The following CSMD2 variants were observed in gnomAD, a reference collection of about 807,000 sequenced individuals.
CSMD2 encodes CUB and Sushi multiple domains 2, also known as CUB and sushi domain-containing protein 2.
CSMD2 carries 130 observed loss-of-function variants against 398.5 expected under a neutral mutation model. The ratio of observed to expected loss-of-function variants is 0.33; its 90% CI spans 0.28 to 0.38. The LOEUF (loss-of-function observed/expected upper bound fraction) is 0.38, where lower values mean the gene tolerates loss of function less well. CSMD2 is among the 10% of genes least tolerant of loss of function. CSMD2 has a pLI of 1.00. For synonymous variants in CSMD2, 1,828 were observed against 1,908.5 expected (o/e 0.96, Z 1.10); for missense variants, 3,829 against 4,764.9 (o/e 0.80, Z 5.78).
intron 2 of CSMD2, among the ~76,000 whole-genome samples, chr1:34,054,322 A>G (rs1290359880): frequency 2.0e-5 from 3 of 152,228 alleles, no homozygotes; most frequent in African/African-American, 7.2e-5. Flanking sequence ...CCTAGATAAT[A>G]ATTAAGACCA....
At chr1:33,699,088 CT>C in intron 23 of CSMD2, 144 bp from the exon 24 acceptor site, 1 of 611,052 alleles carries the variant, frequency 1.6e-6, no homozygotes, top group Non-Finnish European at 2.8e-6. Flanking sequence ...TCAGGATTTC[CT>C]CATTTCTATG....
chr1:33,787,959 T>C (rs888663144), intron 12 of CSMD2, among the ~76,000 whole-genome samples: 9 of 152,134 alleles, frequency 5.9e-5, no homozygotes, highest in Admixed American at 2.0e-4. Context: ...TGCAACCCAA[T>C]AGGGTATCTT....
chr1:33,689,176 C>T (rs944885108), intron 25 of CSMD2, among the ~76,000 whole-genome samples: 6 of 151,892 alleles, frequency 4.0e-5, no homozygotes, highest in African/African-American at 7.3e-5. Context: ...TACAGCTGTA[C>T]GTGTGCATGC....
chr1:33,612,721 G>A (rs1365992630), intron 40 of CSMD2, among the ~76,000 whole-genome samples: 40 of 146,384 alleles, frequency 2.7e-4, no homozygotes, highest in Non-Finnish European at 5.4e-4. Flanking sequence ...TTGTTCGGTC[G>A]CCCGGGCTGG....
intron 5 of CSMD2, among the ~76,000 whole-genome samples, chr1:33,853,923 A>G (rs1638891530): frequency 6.6e-6 from 1 of 152,226 alleles, no homozygotes; most frequent in African/African-American, 2.4e-5. Context: ...CTGAGATTTG[A>G]GAAGGACTTC....
At position 33,810,794 on chromosome 1, in the gene CSMD2, A is replaced by G; in HGVS notation, c.1395T>C (p.Tyr465=). The G allele has an allele frequency of 6.2e-7, 1 of 1,612,776 alleles. No homozygotes were observed. ...TCCACACACAGTGTGCATTGTTGTC[A>G]TACTGAATGGGGAAATTGGGGGAGG... ...IITSPNFPIQ[Y]DNNAHCVWII... The change falls in exon 10 of 71, where the codon TAT becomes TAC. Residue 465 remains tyrosine (Y), a synonymous_variant. Coordinates refer to ENST00000373381, the MANE Select transcript of CSMD2 (RefSeq NM_001281956.2).
At chr1:33,680,069 C>T (rs190727535) in intron 25 of CSMD2, among the ~76,000 whole-genome samples, 10 of 151,648 alleles carry the variant, frequency 6.6e-5, no homozygotes, top group East Asian at 5.8e-4. Flanking sequence ...TACAGGTGCC[C>T]GCCACCACGC....
At chr1:33,828,617 T>A (rs1313048058) in intron 6 of CSMD2, among the ~76,000 whole-genome samples, 2 of 152,176 alleles carry the variant, frequency 1.3e-5, no homozygotes, top group Non-Finnish European at 2.9e-5. Flanking sequence ...TAGGGGCTGA[T>A]GTGGGCACTG....
chr1:33,887,579 A>T (rs995000560), intron 5 of CSMD2, among the ~76,000 whole-genome samples: 1 of 152,220 alleles, frequency 6.6e-6, no homozygotes, highest in Non-Finnish European at 1.5e-5. Flanking sequence ...CTACTTAATA[A>T]GAAAAACACA....
intron 2 of CSMD2, among the ~76,000 whole-genome samples, chr1:34,044,661 A>G (rs1170771947): frequency 2.0e-5 from 3 of 152,312 alleles, no homozygotes; most frequent in Non-Finnish European, 4.4e-5. Flanking sequence ...ATAAGCCTCC[A>G]CTTCCGAGGG....
At chr1:33,803,868 G>A (rs1348234994) in intron 10 of CSMD2, among the ~76,000 whole-genome samples, 3 of 152,278 alleles carry the variant, frequency 2.0e-5, no homozygotes, top group East Asian at 1.9e-4. Context: ...AGTGATCCTC[G>A]TCCTTCCAGG....
Position 34,164,408 on chromosome 1 carries a change from T to C in CSMD2, c.187+503A>G, listed in dbSNP as rs942915415. Among the ~76,000 whole-genome samples the C allele has an allele frequency of 2.5e-4, 38 of 151,718 alleles. No homozygotes were observed. The highest frequency in any genetic ancestry group is 1.7e-3 in the Admixed American group (26 of 15,262). ...GTTCCAGAGGGGGCACCGGTTTCAA[T>C]TGGAGAAAATGGGCGGGGGCAGGGA... On this transcript the variant is annotated intron_variant, in intron 1 of 70. Transcript: ENST00000373381. The surrounding 1 kb of genome is among the most constrained non-coding windows in gnomAD (Gnocchi z 6.2).
intron 67 of CSMD2, among the ~76,000 whole-genome samples, chr1:33,523,037 T>A (rs1654456823): frequency 6.6e-6 from 1 of 152,200 alleles, no homozygotes; most frequent in African/African-American, 2.4e-5. Context: ...CCAACCTCCA[T>A]CCCTTGCTTT....
chr1:33,666,199 C>T (rs577308378), intron 25 of CSMD2, among the ~76,000 whole-genome samples: 1 of 152,240 alleles, frequency 6.6e-6, no homozygotes, highest in Non-Finnish European at 1.5e-5. Context: ...TTCCCTAAAA[C>T]TTACTAATTT....
At chr1:33,600,399 C>T in intron 44 of CSMD2, 1 of 578,984 alleles carries the variant, frequency 1.7e-6, no homozygotes. Flanking sequence ...CCAATAAAGG[C>T]ATACCTACTC....
chr1:33,593,679 C>G (rs1570866768), intron 44 of CSMD2, among the ~76,000 whole-genome samples: 1 of 152,280 alleles, frequency 6.6e-6, no homozygotes, highest in East Asian at 1.9e-4. Context: ...ACAGCCAAAC[C>G]AGATCATTAA....
At chr1:33,780,511 G>T (rs1652598152) in intron 12 of CSMD2, among the ~76,000 whole-genome samples, 1 of 152,188 alleles carries the variant, frequency 6.6e-6, no homozygotes, top group Non-Finnish European at 1.5e-5. Flanking sequence ...TCATGGGTTT[G>T]TCACCAGCCA....
chr1:33,565,887 A>T (rs908085789), intron 53 of CSMD2, among the ~76,000 whole-genome samples: 4 of 152,150 alleles, frequency 2.6e-5, no homozygotes, highest in African/African-American at 9.6e-5. Context: ...ATAAAAGAAA[A>T]AGACAAAACC....
At chr1:33,648,518 G>A (rs535455302) in intron 28 of CSMD2, among the ~76,000 whole-genome samples, 183 of 152,304 alleles carry the variant, frequency 1.2e-3, no homozygotes, top group Admixed American at 3.3e-3. Context: ...ACCAGGGAAT[G>A]GAAGTGTACA....
Sources: gnomAD v4.1 joint callset for allele counts (sites outside exome capture counted in the v4.1 genomes callset) on GRCh38, gnomAD v4.1.1 for gene constraint, Gnocchi (gnomAD v3.1) non-coding constraint, MANE v1.5 for transcripts, NCBI Gene and HGNC (gene_info 2026-07-23, HGNC 2026-07-21) for gene names.